Variants in SCN1A observed in about 807,000 individuals in gnomAD.
SCN1A encodes sodium voltage-gated channel alpha subunit 1, also known as sodium channel protein type 1 subunit alpha.
A neutral mutation model predicts 193.7 loss-of-function variants in SCN1A; 13 were observed. The observed-to-expected ratio is 0.07, with a 90% CI of 0.04 to 0.11. SCN1A has a LOEUF of 0.11. Among genes scored for constraint, SCN1A ranks in the 10% least tolerant of loss-of-function variants. SCN1A has a pLI of 1.00. For missense variants in SCN1A, 1,432 were observed against 2,451.1 expected (o/e 0.58, Z 8.78); for synonymous variants, 781 against 843.6 (o/e 0.93, Z 1.29).
At chr2:166,046,735 TA>T in intron 12 of SCN1A, 34 bp downstream of exon 12, 2 of 1,603,660 alleles carry the variant, frequency 1.2e-6, no homozygotes, top group Non-Finnish European at 1.7e-6. Flanking sequence ...ATCAGAACGA[TA>T]AAAGGTCAGT....
chr2:166,070,520 C>A (rs1474232615), intron 4 of SCN1A, among the ~76,000 whole-genome samples: 3 of 152,172 alleles, frequency 2.0e-5, no homozygotes, highest in Non-Finnish European at 4.4e-5. Flanking sequence ...TAGACGTGAG[C>A]CTAACAAAGT....
chr2:166,036,091 G>A lies in SCN1A; in HGVS notation c.3386C>T (p.Thr1129Met), dbSNP rs779989776. ...VGESDFENLN[T>M]EDFSSESDLE... ...ATCCGATTCACTACTAAAGTCTTCC[G>A]TGTTTAAATTTTCAAAGTCAGATTC... The change falls in exon 19 of 29, where the codon ACG becomes ATG. Residue 1129 changes from threonine (T) to methionine (M), a missense_variant. Coordinates refer to ENST00000674923, the MANE Select transcript of SCN1A (RefSeq NM_001165963.4). The A allele has an allele frequency of 1.2e-5, 20 of 1,613,662 alleles. No individual in the cohort carries two copies. The highest frequency in any genetic ancestry group is 1.7e-5 in the Admixed American group (1 of 59,990).
At chr2:166,018,269 A>C (rs990614918) in intron 19 of SCN1A, among the ~76,000 whole-genome samples, 2 of 151,998 alleles carry the variant, frequency 1.3e-5, no homozygotes, top group Admixed American at 6.6e-5. Flanking sequence ...TTCTGCCTTT[A>C]AGTGAAACCA....
At position 166,045,045 on chromosome 2, in the gene SCN1A, G is replaced by C; in HGVS notation, c.1660C>G (p.Gln554Glu). ...CAGTAAACTCAGCAGTGCCATACCTGGTGTGGGGAGGAGTACCTCTTTTCA... is the reference window on the plus strand; with the variant it reads ...CAGTAAACTCAGCAGTGCCATACCTCGTGTGGGGAGGAGTACCTCTTTTCA... ...TYEKRYSSPH[Q>E]SLLSIRGSLF... The change falls in exon 13 of 29, where the codon CAG (glutamine) becomes GAG (glutamate). Residue 554 changes from glutamine to glutamate, a missense_variant and splice_region_variant. Transcript: ENST00000674923. 6.2e-7 allele frequency: 1 copy of C among 1,614,064 alleles called. No individual in the cohort carries two copies.
Position 166,045,051 on chromosome 2 carries a change from GGGA to G in SCN1A, c.1651_1653del (p.Ser551del), listed in dbSNP as rs1391693620. ...ACTCAGCAGTGCCATACCTGGTGTG[GGGA>G]GGAGTACCTCTTTTCATATGTCAAT... On this transcript the variant is annotated inframe_deletion, in exon 13 of 29. Transcript: ENST00000674923. The G allele has an allele frequency of 6.2e-7, 1 of 1,613,946 alleles. No individual in the cohort carries two copies. Among genetic ancestry groups the G allele is most frequent in the Non-Finnish European group, 8.5e-7 (1 of 1,179,988 alleles).
At chr2:165,984,857 A>G (rs1383665085), downstream of SCN1A, 1 of 152,142 alleles carries the variant, frequency 6.6e-6, no homozygotes, top group African/African-American at 2.4e-5. Flanking sequence ...TTCCCTCATA[A>G]TGTTACTGGG....
upstream of SCN1A, among the ~76,000 whole-genome samples, chr2:166,129,312 T>C (rs2106283486): frequency 6.6e-6 from 1 of 152,326 alleles, no homozygotes; most frequent in African/African-American, 2.4e-5. Flanking sequence ...TCACCATTTT[T>C]TCCTGTTCTA....
chr2:166,038,901 A>C (rs1696794409), intron 17 of SCN1A, among the ~76,000 whole-genome samples: 1 of 152,316 alleles, frequency 6.6e-6, no homozygotes, highest in South Asian at 2.1e-4. Flanking sequence ...ATTTCCTATA[A>C]TTCTACAATT....
intron 26 of SCN1A, among the ~76,000 whole-genome samples, chr2:165,997,806 A>C (rs1690282000): frequency 6.6e-6 from 1 of 151,240 alleles, no homozygotes; most frequent in South Asian, 2.1e-4. Context: ...GATAATGAAT[A>C]AGAGGAGGAA....
At chr2:166,038,259 G>T (rs1696707984) in intron 17 of SCN1A, 127 bp from the exon 18 acceptor site, 1 of 760,476 alleles carries the variant, frequency 1.3e-6, no homozygotes, top group Non-Finnish European at 2.1e-6. Context: ...ACCGTCTCAG[G>T]CTCATGGCTA....
intron 4 of SCN1A, among the ~76,000 whole-genome samples, chr2:166,069,776 T>G (rs564706704): frequency 1.3e-5 from 2 of 152,254 alleles, no homozygotes; most frequent in East Asian, 3.9e-4. Context: ...TTTAGGGAAA[T>G]CACTAGTCTA....
At chr2:166,094,869 T>C (rs1410039066) in intron 2 of SCN1A, among the ~76,000 whole-genome samples, 1 of 151,784 alleles carries the variant, frequency 6.6e-6, no homozygotes, top group African/African-American at 2.4e-5. Context: ...TAACCCTCCA[T>C]GTGCTCCTAC....
chr2:166,090,030 T>C (rs76466282), intron 2 of SCN1A, among the ~76,000 whole-genome samples: 1 of 28,452 alleles, frequency 3.5e-5, no homozygotes, highest in Non-Finnish European at 7.5e-5. Flanking sequence ...CCTTCTTTCC[T>C]TTTTTTTTTT....
At position 166,101,765 on chromosome 2, in the gene SCN1A, C is replaced by T. The variant is rs114945880; in HGVS notation, c.-141-23964G>A. ...AAAGACTTAAATGTAAGACCTAAAACTCTAAACCCTAGAAGAAAACTAAGA... is the reference window on the plus strand; with the variant it reads ...AAAGACTTAAATGTAAGACCTAAAATTCTAAACCCTAGAAGAAAACTAAGA... On this transcript the variant is annotated intron_variant, in intron 2 of 28. Transcript: ENST00000674923. Among the ~76,000 whole-genome samples the T allele has an allele frequency of 3.7e-3, 557 of 152,214 alleles. 6 individuals are homozygous for T. The highest frequency in any genetic ancestry group is 0.013 in the African/African-American group (523 of 41,546).
intron 2 of SCN1A, among the ~76,000 whole-genome samples, chr2:166,090,464 T>C (rs1686674212): frequency 6.6e-6 from 1 of 152,204 alleles, no homozygotes; most frequent in African/African-American, 2.4e-5. Context: ...AAAATAAGTA[T>C]ATTTTCCCTT....
intron 19 of SCN1A, among the ~76,000 whole-genome samples, chr2:166,033,520 C>T (rs1574153634): frequency 6.6e-6 from 1 of 151,596 alleles, no homozygotes; most frequent in Non-Finnish European, 1.5e-5. Context: ...AAAAAAAAAA[C>T]TGGCCTATTA....
intron 2 of SCN1A, among the ~76,000 whole-genome samples, chr2:166,095,431 A>C (rs986276280): frequency 6.6e-6 from 1 of 152,194 alleles, no homozygotes; most frequent in African/African-American, 2.4e-5. Flanking sequence ...TAGTAATATA[A>C]TACCTTTATT....
chr2:166,142,257 C>G (rs6432877), intron 1 of SCN1A, among the ~76,000 whole-genome samples: 42,760 of 152,022 alleles, frequency 0.28, 6,325 homozygotes, highest in African/African-American at 0.38. Context: ...AAGATAAAAC[C>G]AAATAGTTTG....
intron 2 of SCN1A, among the ~76,000 whole-genome samples, chr2:166,123,264 A>AAAAAAAATT (rs1553464699): frequency 7.7e-6 from 1 of 129,886 alleles, no homozygotes; most frequent in Non-Finnish European, 1.6e-5. Flanking sequence ...AAAAAAAAAG[A>AAAAAAAATT]TTTGTTCAAA....
Sources: allele counts gnomAD v4.1 joint callset (sites outside exome capture counted in the v4.1 genomes callset), GRCh38; gene constraint gnomAD v4.1.1; transcripts MANE v1.5; gene names NCBI Gene and HGNC (gene_info 2026-07-23, HGNC 2026-07-21).